LDLRAD3: variants seen among roughly 807,000 people sequenced by gnomAD.
The protein encoded by LDLRAD3 is low density lipoprotein receptor class A domain containing 3.
In LDLRAD3, 20 loss-of-function variants were observed where a neutral mutation model predicts 29.4. The ratio of observed to expected loss-of-function variants is 0.68; its 90% confidence interval spans 0.48 to 0.99. LDLRAD3 has a LOEUF of 0.99. LDLRAD3 is among the 50% of genes least tolerant of loss of function. The probability of loss-of-function intolerance (pLI) is 0.00; values close to 1 mark genes in which losing one functional copy is unlikely to be tolerated. For synonymous variants in LDLRAD3, 157 were observed against 192.7 expected, an observed-to-expected ratio of 0.81 and a Z score of 1.53; for missense variants, 420 against 454.3, an observed-to-expected ratio of 0.92 and a Z score of 0.69.
chr11:36,170,408 A>G (rs1261381468), intron 4 of LDLRAD3, among the ~76,000 whole-genome samples: 2 of 151,696 alleles, frequency 1.3e-5, no homozygotes, highest in African/African-American at 2.4e-5. Flanking sequence ...TTGTTGATTT[A>G]TGGGCATTTG....
At chr11:36,001,581 G>A (rs1851825179) in intron 1 of LDLRAD3, among the ~76,000 whole-genome samples, 1 of 152,112 alleles carries the variant, frequency 6.6e-6, no homozygotes, top group South Asian at 2.1e-4. Flanking sequence ...TTGGCAGTTT[G>A]TTTCTGTGGT....
intron 2 of LDLRAD3, among the ~76,000 whole-genome samples, chr11:36,042,606 T>G (rs1290851590): frequency 6.6e-6 from 1 of 152,184 alleles, no homozygotes; most frequent in Non-Finnish European, 1.5e-5. Context: ...AATTTTCCTG[T>G]GTTGAAGTCC....
At chr11:36,127,707 G>A (rs559276675) in intron 4 of LDLRAD3, among the ~76,000 whole-genome samples, 31 of 152,186 alleles carry the variant, frequency 2.0e-4, no homozygotes, top group African/African-American at 7.5e-4. Flanking sequence ...TTTTATTTAG[G>A]TTATGTCATT....
At chr11:36,169,682 T>C (rs1854566883) in intron 4 of LDLRAD3, among the ~76,000 whole-genome samples, 1 of 152,220 alleles carries the variant, frequency 6.6e-6, no homozygotes, top group South Asian at 2.1e-4. Flanking sequence ...ACATACCACA[T>C]TTTCTTTATC....
intron 3 of LDLRAD3, among the ~76,000 whole-genome samples, chr11:36,095,854 C>T (rs898474744): frequency 1.3e-5 from 2 of 152,178 alleles, no homozygotes; most frequent in African/African-American, 4.8e-5. Flanking sequence ...GTTTTGGTTG[C>T]ATAGATGTGA....
chr11:36,090,917 A>C (rs1285991812), intron 3 of LDLRAD3, among the ~76,000 whole-genome samples: 2 of 152,018 alleles, frequency 1.3e-5, no homozygotes, highest in Non-Finnish European at 2.9e-5. Flanking sequence ...CAGACTTAGG[A>C]AGGAGGAACT....
intron 1 of LDLRAD3, among the ~76,000 whole-genome samples, chr11:35,958,118 T>C (rs1482178390): frequency 6.6e-6 from 1 of 152,242 alleles, no homozygotes; most frequent in African/African-American, 2.4e-5. Context: ...AGGATGTCAC[T>C]GACCTGTGTT....
intron 1 of LDLRAD3, among the ~76,000 whole-genome samples, chr11:35,990,877 G>T (rs1409346352): frequency 6.6e-6 from 1 of 152,214 alleles, no homozygotes. Flanking sequence ...GTCACATTCA[G>T]AGGTATTGGA....
At chr11:35,980,944 C>G (rs954657761) in intron 1 of LDLRAD3, among the ~76,000 whole-genome samples, 1 of 152,150 alleles carries the variant, frequency 6.6e-6, no homozygotes, top group Non-Finnish European at 1.5e-5. Flanking sequence ...AGTCTGGGGA[C>G]CCCAGTTTAG....
chr11:36,010,667 C>T (rs1851944056), intron 1 of LDLRAD3, among the ~76,000 whole-genome samples: 2 of 152,172 alleles, frequency 1.3e-5, no homozygotes, highest in Admixed American at 6.5e-5. Flanking sequence ...TGACCATTTG[C>T]TTTCATGCCT....
At chr11:35,976,145 T>C (rs950834074) in intron 1 of LDLRAD3, among the ~76,000 whole-genome samples, 1 of 151,862 alleles carries the variant, frequency 6.6e-6, no homozygotes, top group African/African-American at 2.4e-5. Flanking sequence ...GATCTCAGAG[T>C]TGGGGACCAC....
chr11:36,025,735 C>T (rs922284886), intron 1 of LDLRAD3, among the ~76,000 whole-genome samples: 8 of 147,186 alleles, frequency 5.4e-5, no homozygotes, highest in Admixed American at 1.4e-4. Context: ...TCATTATGTA[C>T]GATCCCAGTT....
At chr11:36,074,795 G>A (rs921502332) in intron 2 of LDLRAD3, among the ~76,000 whole-genome samples, 23 of 152,310 alleles carry the variant, frequency 1.5e-4, no homozygotes, top group African/African-American at 2.9e-4. Flanking sequence ...GGAAGGACAC[G>A]ATGGCTGGAG....
intron 4 of LDLRAD3, among the ~76,000 whole-genome samples, chr11:36,154,339 G>C (rs1854317752): frequency 1.3e-5 from 2 of 152,164 alleles, no homozygotes; most frequent in Non-Finnish European, 2.9e-5. Context: ...GTGACCCACT[G>C]TTAGTGTCCA....
intron 3 of LDLRAD3, among the ~76,000 whole-genome samples, chr11:36,095,204 C>T (rs1424877718): frequency 6.6e-6 from 1 of 152,166 alleles, no homozygotes; most frequent in African/African-American, 2.4e-5. Context: ...AAAAGAGTCT[C>T]TCTAGAGAAG....
At chr11:35,959,147 T>C (rs1047118815) in intron 1 of LDLRAD3, among the ~76,000 whole-genome samples, 15 of 152,208 alleles carry the variant, frequency 9.9e-5, no homozygotes, top group African/African-American at 3.1e-4. Flanking sequence ...TCGCAACTTT[T>C]CCCACAGCTC....
chr11:36,158,825 T>C (rs1238811740), intron 4 of LDLRAD3, among the ~76,000 whole-genome samples: 1 of 152,168 alleles, frequency 6.6e-6, no homozygotes, highest in Non-Finnish European at 1.5e-5. Flanking sequence ...TAATTGTACA[T>C]ATTTACAGGG....
At chr11:36,065,690 C>A (rs1362227355) in intron 2 of LDLRAD3, among the ~76,000 whole-genome samples, 1 of 152,232 alleles carries the variant, frequency 6.6e-6, no homozygotes, top group African/African-American at 2.4e-5. Context: ...TCCCTCTCTG[C>A]CCTGTTGACA....
chr11:36,222,570 G>A (rs1203476476), intron 4 of LDLRAD3, among the ~76,000 whole-genome samples: 2 of 152,116 alleles, frequency 1.3e-5, no homozygotes, highest in African/African-American at 4.8e-5. Context: ...AATCTGATAG[G>A]CGAAAAATGG....
Sources: gnomAD v4.1 joint callset for allele counts (sites outside exome capture counted in the v4.1 genomes callset) on GRCh38, gnomAD v4.1.1 for gene constraint, MANE v1.5 for transcripts, NCBI Gene and HGNC (gene_info 2026-07-23, HGNC 2026-07-21) for gene names.